The following LDB2 variants were observed in gnomAD, a reference collection of about 807,000 sequenced individuals.
LDB2 encodes LIM domain-binding protein 2.
In LDB2, 12 loss-of-function variants were observed where a neutral mutation model predicts 44.3. The observed-to-expected ratio is 0.27, with a 90% confidence interval of 0.17 to 0.44. The LOEUF is 0.44. Among genes scored for constraint, LDB2 ranks in the 20% least tolerant of loss-of-function variants. The probability of loss-of-function intolerance (pLI) is 1.00; values close to 1 mark genes in which losing one functional copy is unlikely to be tolerated. For synonymous variants in LDB2, 164 were observed against 174.8 expected (o/e 0.94, Z 0.49); for missense variants, 344 against 473.5 (o/e 0.73, Z 2.54).
intron 1 of LDB2, among the ~76,000 whole-genome samples, chr4:16,883,771 G>A (rs1326257496): frequency 2.6e-5 from 4 of 152,146 alleles, no homozygotes; most frequent in Admixed American, 1.3e-4. Flanking sequence ...TTGTATCAAG[G>A]CAGGAAGAAA....
intron 1 of LDB2, among the ~76,000 whole-genome samples, chr4:16,891,439 T>C (rs1487705986): frequency 6.6e-6 from 1 of 151,238 alleles, no homozygotes; most frequent in Non-Finnish European, 1.5e-5. Context: ...CAGCCTCCCG[T>C]GTAGCTGAGA....
At chr4:16,855,749 AGT>A (rs1347901746) in intron 1 of LDB2, among the ~76,000 whole-genome samples, 7 of 152,018 alleles carry the variant, frequency 4.6e-5, no homozygotes, top group Non-Finnish European at 7.4e-5. Context: ...GATATTAATG[AGT>A]GTGATTTTTT....
chr4:16,893,276 G>T (rs1723945250), intron 1 of LDB2, among the ~76,000 whole-genome samples: 1 of 138,220 alleles, frequency 7.2e-6, no homozygotes, highest in Non-Finnish European at 1.5e-5. Context: ...ATATATCTCA[G>T]AGTAGCAGCA....
At chr4:16,790,612 C>T (rs551221638) in intron 1 of LDB2, among the ~76,000 whole-genome samples, 27 of 152,256 alleles carry the variant, frequency 1.8e-4, no homozygotes, top group Admixed American at 3.9e-4. Flanking sequence ...TTTTTCAGAA[C>T]GTATCCTTGT....
intron 3 of LDB2, among the ~76,000 whole-genome samples, chr4:16,591,104 A>T (rs1199749855): frequency 6.6e-6 from 1 of 152,106 alleles, no homozygotes; most frequent in Non-Finnish European, 1.5e-5. Flanking sequence ...TTAAAGGGGG[A>T]GATTATTGGA....
intron 5 of LDB2, among the ~76,000 whole-genome samples, chr4:16,567,301 C>A (rs2152391715): frequency 6.6e-6 from 1 of 152,172 alleles, no homozygotes; most frequent in East Asian, 1.9e-4. Context: ...ATAACCTTCT[C>A]TAGGATATAT....
chr4:16,520,283 A>G (rs1468395395), intron 5 of LDB2, among the ~76,000 whole-genome samples: 1 of 131,652 alleles, frequency 7.6e-6, no homozygotes, highest in African/African-American at 2.9e-5. Context: ...ATGAAAAAAT[A>G]TATGGAATCT....
At chr4:16,569,849 A>G (rs1406430288) in intron 5 of LDB2, among the ~76,000 whole-genome samples, 1 of 152,198 alleles carries the variant, frequency 6.6e-6, no homozygotes, top group Admixed American at 6.5e-5. Flanking sequence ...TTTTACAGAT[A>G]AGGAAGGCTT....
chr4:16,758,290 G>A (rs1043384110), intron 2 of LDB2, among the ~76,000 whole-genome samples: 5 of 152,130 alleles, frequency 3.3e-5, no homozygotes, highest in African/African-American at 1.2e-4. Flanking sequence ...TTTTTCAAAT[G>A]TTCTGGATTG....
chr4:16,683,022 T>C (rs749605344), intron 2 of LDB2, among the ~76,000 whole-genome samples: 2 of 152,254 alleles, frequency 1.3e-5, no homozygotes, highest in Non-Finnish European at 2.9e-5. Flanking sequence ...ATCTCTCTGG[T>C]AAATTGCACT....
chr4:16,595,280 G>GAGGATTCTT (rs1720503427), intron 3 of LDB2, among the ~76,000 whole-genome samples: 1 of 152,084 alleles, frequency 6.6e-6, no homozygotes, highest in African/African-American at 2.4e-5. Context: ...GTCATGGTTA[G>GAGGATTCTT]AGGATTCTTC....
chr4:16,705,627 G>T (rs1754438342), intron 2 of LDB2, among the ~76,000 whole-genome samples: 1 of 152,126 alleles, frequency 6.6e-6, no homozygotes, highest in South Asian at 2.1e-4. Flanking sequence ...GAGGCTTTTT[G>T]TTCTAAGCCA....
chr4:16,567,413 C>T (rs962264612), intron 5 of LDB2, among the ~76,000 whole-genome samples: 1 of 147,942 alleles, frequency 6.8e-6, no homozygotes, highest in Non-Finnish European at 1.5e-5. Context: ...TGTGTGCATG[C>T]GTGTGTGTGT....
chr4:16,838,220 C>T (rs1485720322), intron 1 of LDB2, among the ~76,000 whole-genome samples: 1 of 152,198 alleles, frequency 6.6e-6, no homozygotes, highest in Non-Finnish European at 1.5e-5. Context: ...TCGAAAGGCA[C>T]ATTCCAGGTC....
intron 2 of LDB2, among the ~76,000 whole-genome samples, chr4:16,657,790 G>T (rs1457185691): frequency 3.3e-5 from 5 of 152,154 alleles, no homozygotes; most frequent in African/African-American, 4.8e-5. Context: ...ATGAAGGGGT[G>T]AATTAGATTA....
intron 5 of LDB2, among the ~76,000 whole-genome samples, chr4:16,522,416 CT>C (rs146118385): frequency 1.3e-5 from 2 of 152,004 alleles, no homozygotes; most frequent in African/African-American, 2.4e-5. Context: ...TATGTACAGA[CT>C]TTTTTTCTTG....
At chr4:16,685,281 G>A (rs893836311) in intron 2 of LDB2, among the ~76,000 whole-genome samples, 2 of 152,156 alleles carry the variant, frequency 1.3e-5, no homozygotes, top group African/African-American at 4.8e-5. Context: ...ATCCTCACTC[G>A]CTCCATTTAA....
intron 1 of LDB2, among the ~76,000 whole-genome samples, chr4:16,805,168 G>A (rs759206188): frequency 5.9e-5 from 9 of 152,024 alleles, no homozygotes; most frequent in African/African-American, 7.2e-5. Context: ...TGAAGGCCTC[G>A]CTCCCATGTT....
At chr4:16,780,716 A>ATT (rs113785808) in intron 1 of LDB2, among the ~76,000 whole-genome samples, 1 of 145,084 alleles carries the variant, frequency 6.9e-6, no homozygotes, top group Non-Finnish European at 1.5e-5. Context: ...GGGTATTTCA[A>ATT]TTTTTTTTTT....
Sources: allele counts gnomAD v4.1 joint callset (sites outside exome capture counted in the v4.1 genomes callset), GRCh38; gene constraint gnomAD v4.1.1; transcripts MANE v1.5; gene names NCBI Gene and HGNC (gene_info 2026-07-23, HGNC 2026-07-21).